PTPRD: variants seen among roughly 807,000 people sequenced by gnomAD.
The protein encoded by PTPRD is protein tyrosine phosphatase receptor type D, also known as receptor-type tyrosine-protein phosphatase delta.
PTPRD carries 34 observed loss-of-function variants against 214.5 expected under a neutral mutation model. That is an observed-to-expected ratio of 0.16 (90% CI 0.12 to 0.21). The LOEUF (loss-of-function observed/expected upper bound fraction) is 0.21, where lower values mean the gene tolerates loss of function less well. PTPRD is among the 10% of genes least tolerant of loss of function. The pLI is 1.00. For missense variants in PTPRD, 2,545 were observed against 2,398.7 expected, an observed-to-expected ratio of 1.06 and a Z score of -1.27; for synonymous variants, 1,128 against 845.7, an observed-to-expected ratio of 1.33 and a Z score of -5.79.
chr9:9,077,270 T>C (rs2099752654), intron 10 of PTPRD, among the ~76,000 whole-genome samples: 1 of 152,014 alleles, frequency 6.6e-6, no homozygotes, highest in South Asian at 2.1e-4. Flanking sequence ...GGGTTGTCTC[T>C]TCACTATGTT....
At chr9:10,412,644 AC>A in intron 2 of PTPRD, among the ~76,000 whole-genome samples, 1 of 145,354 alleles carries the variant, frequency 6.9e-6, no homozygotes, top group South Asian at 2.1e-4. Flanking sequence ...ACACACACAC[AC>A]ACACACACAC....
At chr9:9,436,412 A>G (rs1367632389) in intron 8 of PTPRD, among the ~76,000 whole-genome samples, 1 of 151,894 alleles carries the variant, frequency 6.6e-6, no homozygotes, top group Admixed American at 6.6e-5. Flanking sequence ...GATATATTGA[A>G]CCCTTTAATA....
At chr9:9,418,004 C>A (rs2077482251) in intron 8 of PTPRD, among the ~76,000 whole-genome samples, 1 of 152,084 alleles carries the variant, frequency 6.6e-6, no homozygotes, top group South Asian at 2.1e-4. Context: ...TCGCTACTCT[C>A]CACTCAAATT....
At chr9:10,220,542 CA>C (rs1407083009) in intron 3 of PTPRD, among the ~76,000 whole-genome samples, 1 of 151,908 alleles carries the variant, frequency 6.6e-6, no homozygotes, top group African/African-American at 2.4e-5. Flanking sequence ...TAATAAATCA[CA>C]AGCTGTCATT....
At position 10,212,610 on chromosome 9, in the gene PTPRD, A is replaced by T. The variant is rs1446380397; in HGVS notation, c.-545+128353T>A. On this transcript the variant is annotated intron_variant, in intron 3 of 45. Transcript: ENST00000381196. ...AGCATAGTTAGATATATTATCATTC[A>T]GTATCTGTGTAAAAATAAGTATTTG... Among the ~76,000 whole-genome samples the T allele has an allele frequency of 2.9e-4, 44 of 152,154 alleles. 1 individual carries two copies. The highest frequency in any genetic ancestry group is 5.9e-5 in the Non-Finnish European group (4 of 68,026).
chr9:8,986,911 C>A (rs1490286930), intron 11 of PTPRD, among the ~76,000 whole-genome samples: 1 of 152,014 alleles, frequency 6.6e-6, no homozygotes, highest in East Asian at 1.9e-4. Flanking sequence ...TAACAATTGT[C>A]TGTCTCTGAG....
chr9:9,545,502 A>C (rs1016310645), intron 8 of PTPRD, among the ~76,000 whole-genome samples: 1 of 151,920 alleles, frequency 6.6e-6, no homozygotes, highest in African/African-American at 2.4e-5. Flanking sequence ...CACTTTATCC[A>C]TTCACCTATT....
At position 9,609,949 on chromosome 9, in the gene PTPRD, G is replaced by T. The variant is rs763461771; in HGVS notation, c.-286-35168C>A. Among the ~76,000 whole-genome samples the T allele has an allele frequency of 7.2e-5, 11 of 152,202 alleles. 1 individual carries two copies. Among genetic ancestry groups the T allele is most frequent in the Non-Finnish European group, 1.5e-4 (10 of 68,034 alleles). On this transcript the variant is annotated intron_variant, in intron 7 of 45. Coordinates refer to ENST00000381196, the MANE Select transcript of PTPRD (RefSeq NM_002839.4). ...ATACTCCTGATTGGCAAAATTATGT[G>T]AAGATGAATATCGGCGGCCCCTTCT...
At chr9:9,775,741 A>C (rs2098792770) in intron 5 of PTPRD, among the ~76,000 whole-genome samples, 1 of 152,138 alleles carries the variant, frequency 6.6e-6, no homozygotes, top group Admixed American at 6.5e-5. Flanking sequence ...CAGGAGACTG[A>C]GACCATCCTG....
At chr9:8,812,858 G>C (rs2096839517) in intron 11 of PTPRD, among the ~76,000 whole-genome samples, 1 of 151,868 alleles carries the variant, frequency 6.6e-6, no homozygotes, top group Admixed American at 6.6e-5. Context: ...ACAGTCTTGA[G>C]TAATATGTAA....
At chr9:10,162,016 T>C (rs2218239) in intron 3 of PTPRD, among the ~76,000 whole-genome samples, 31,788 of 151,498 alleles carry the variant, frequency 0.21, 3,958 homozygotes, top group African/African-American at 0.33. Context: ...CTAGTTAAAA[T>C]GGTATTTATA....
intron 8 of PTPRD, among the ~76,000 whole-genome samples, chr9:9,437,251 T>C (rs1189263547): frequency 2.0e-5 from 3 of 152,320 alleles, no homozygotes; most frequent in East Asian, 3.9e-4. Context: ...GATGGCTCTT[T>C]GAAATTCTAG....
At chr9:10,325,621 G>C (rs2096629456) in intron 3 of PTPRD, among the ~76,000 whole-genome samples, 1 of 151,902 alleles carries the variant, frequency 6.6e-6, no homozygotes, top group Non-Finnish European at 1.5e-5. Flanking sequence ...GGAAATAAAA[G>C]AGAAGTCATG....
intron 3 of PTPRD, among the ~76,000 whole-genome samples, chr9:10,072,881 T>C (rs1440532485): frequency 6.6e-6 from 1 of 152,128 alleles, no homozygotes; most frequent in Non-Finnish European, 1.5e-5. Flanking sequence ...CCACATAAAA[T>C]GTTTATAGCA....
chr9:8,608,610 G>A (rs1595145274), intron 14 of PTPRD, among the ~76,000 whole-genome samples: 1 of 149,994 alleles, frequency 6.7e-6, no homozygotes, highest in East Asian at 2.0e-4. Flanking sequence ...ATCTGAATCT[G>A]AATTAACTGT....
chr9:9,506,883 C>T (rs932758378), intron 8 of PTPRD, among the ~76,000 whole-genome samples: 1 of 151,154 alleles, frequency 6.6e-6, no homozygotes, highest in African/African-American at 2.4e-5. Context: ...TAACAAACAG[C>T]AAAATTTGGA....
chr9:10,423,659 T>G (rs992165442), intron 2 of PTPRD, among the ~76,000 whole-genome samples: 4 of 151,930 alleles, frequency 2.6e-5, no homozygotes, highest in African/African-American at 9.7e-5. Flanking sequence ...TTTTTAGAGA[T>G]GCTCCTGTTA....
chr9:10,007,170 A>G (rs938553419), intron 4 of PTPRD, among the ~76,000 whole-genome samples: 5 of 151,988 alleles, frequency 3.3e-5, no homozygotes, highest in East Asian at 1.9e-4. Flanking sequence ...CAGGATTCAA[A>G]TGTAGGTGTT....
chr9:10,094,083 C>T (rs1030509543), intron 3 of PTPRD, among the ~76,000 whole-genome samples: 1 of 151,188 alleles, frequency 6.6e-6, no homozygotes, highest in Admixed American at 6.6e-5. Context: ...CCTGTTGAAT[C>T]CAAAATCAAC....
Sources: gnomAD v4.1 joint callset for allele counts (sites outside exome capture counted in the v4.1 genomes callset) on GRCh38, gnomAD v4.1.1 for gene constraint, MANE v1.5 for transcripts, NCBI Gene and HGNC (gene_info 2026-07-23, HGNC 2026-07-21) for gene names.